Variants in ARMC8 observed in about 807,000 individuals in gnomAD.
The protein encoded by ARMC8 is armadillo repeat-containing protein 8.
In ARMC8, 20 loss-of-function variants were observed where a neutral mutation model predicts 99.3. That is an observed-to-expected ratio of 0.20 (90% confidence interval 0.14 to 0.29). The LOEUF (loss-of-function observed/expected upper bound fraction) is 0.29. Among genes scored for constraint, ARMC8 ranks in the 10% least tolerant of loss-of-function variants. The pLI, the probability that ARMC8 is intolerant of heterozygous loss-of-function variation, is 1.00. For synonymous variants in ARMC8, 263 were observed against 278.3 expected, an observed-to-expected ratio of 0.95 and a Z score of 0.55; for missense variants, 569 against 809.5, an observed-to-expected ratio of 0.70 and a Z score of 3.60.
At chr3:138,288,142 G>A (rs2050596884) in intron 19 of ARMC8, 1 of 154,164 alleles carries the variant, frequency 6.5e-6, no homozygotes, top group African/African-American at 2.4e-5. Context: ...ATTATATAAT[G>A]CTTCTTGTTT....
rs2051610497 is a variant in ARMC8 at position 138,297,720 on chromosome 3, A to G, written c.*1828A>G. 1 of 152,248 alleles carries G rather than the reference A, an allele frequency of 6.6e-6. No homozygotes were observed. Among genetic ancestry groups the G allele is most frequent in the Non-Finnish European group, 1.5e-5 (1 of 68,046 alleles). The allele number at this position is 152,248 out of a possible 1,614,324, so 9.4% of individuals were successfully genotyped here. A position where few individuals can be genotyped will look rare whatever the true frequency, so the allele number is the denominator to read the frequency against. On this transcript the variant is annotated 3_prime_UTR_variant, in exon 22 of 22. Transcript: ENST00000469044. ...CAGGACTTGGTTTTGTGCAGATATCAGAGTGCTAATGTGAGAAACCCAGTT... is the reference window on the plus strand; with the variant it reads ...CAGGACTTGGTTTTGTGCAGATATCGGAGTGCTAATGTGAGAAACCCAGTT...
chr3:138,252,475 A>C (rs2047164659), intron 12 of ARMC8, among the ~76,000 whole-genome samples: 1 of 136,768 alleles, frequency 7.3e-6, no homozygotes, highest in African/African-American at 2.8e-5. Context: ...TTTTTTTGAG[A>C]CGGGGTCTCG....
chr3:138,297,435 G>A lies in ARMC8; in HGVS notation c.*1543G>A, dbSNP rs1337969858. On this transcript the variant is annotated 3_prime_UTR_variant, in exon 22 of 22. Coordinates refer to ENST00000469044, the MANE Select transcript of ARMC8 (RefSeq NM_001363941.2). Reference sequence around the variant, plus strand: ...AGGATGCAAGGTCTGCGGTCCAGAAGCTTGCGGTGAGTGTGTGCCACTGAT... The same window carrying A: ...AGGATGCAAGGTCTGCGGTCCAGAAACTTGCGGTGAGTGTGTGCCACTGAT... The A allele has an allele frequency of 6.6e-6, 1 of 152,216 alleles. No individual in the cohort carries two copies. Among genetic ancestry groups the A allele is most frequent in the African/African-American group, 2.4e-5 (1 of 41,442 alleles). The allele number at this position is 152,216 out of a possible 1,614,324, so 9.4% of individuals were successfully genotyped here. A position where few individuals can be genotyped will look rare whatever the true frequency, so the allele number is the denominator to read the frequency against.
At chr3:138,286,874 T>C (rs977017150) in intron 19 of ARMC8, among the ~76,000 whole-genome samples, 2 of 152,216 alleles carry the variant, frequency 1.3e-5, no homozygotes, top group Non-Finnish European at 2.9e-5. Context: ...CGCCTGCCCT[T>C]TCAGCATCTC....
intron 5 of ARMC8, among the ~76,000 whole-genome samples, chr3:138,226,735 A>G (rs981492058): frequency 2.6e-5 from 4 of 152,254 alleles, no homozygotes; most frequent in East Asian, 1.9e-4. Flanking sequence ...CTGGCCAACT[A>G]TTTAAACTCC....
chr3:138,248,158 T>C lies in ARMC8; in HGVS notation c.1134+2975T>C, dbSNP rs555467058. Reference sequence around the variant, plus strand: ...CAGGTGAGAGTGAAAAATACTACCATTGACTGTGACATGAAGAGGGAGAAG... The same window carrying C: ...CAGGTGAGAGTGAAAAATACTACCACTGACTGTGACATGAAGAGGGAGAAG... On this transcript the variant is annotated intron_variant, in intron 12 of 21. Coordinates refer to ENST00000469044, the MANE Select transcript of ARMC8 (RefSeq NM_001363941.2). Among the ~76,000 whole-genome samples, 5 of 152,236 alleles carry C rather than the reference T, an allele frequency of 3.3e-5. No homozygotes were observed. In the South Asian group the frequency reaches 8.3e-4, roughly 25 times the overall value.
At chr3:138,252,222 T>C (rs2047150438) in intron 12 of ARMC8, among the ~76,000 whole-genome samples, 1 of 152,158 alleles carries the variant, frequency 6.6e-6, no homozygotes, top group African/African-American at 2.4e-5. Context: ...AAGAAGAATA[T>C]TTTCTGACAT....
At position 138,237,535 on chromosome 3, in the gene ARMC8, G is replaced by A. The variant is rs1448168445; in HGVS notation, c.739G>A (p.Asp247Asn). ...GATTTTTGTGAAGATGTTACAGAGG[G>A]ATAAGCCTATTGAGATGCAGCTCAC... ...PQIFVKMLQR[D>N]KPIEMQLTSA... The change falls in exon 9 of 22, where the codon GAT becomes AAT. Residue 247 changes from aspartate to asparagine, a missense_variant. Physicochemically the swap from Asp to Asn is conservative, Grantham distance 23. Transcript: ENST00000469044. 1 of 1,613,692 alleles carries A rather than the reference G, an allele frequency of 6.2e-7. No homozygotes were observed. The highest frequency in any genetic ancestry group is 8.5e-7 in the Non-Finnish European group (1 of 1,179,974).
At chr3:138,273,226 T>C in intron 17 of ARMC8, 110 bp downstream of exon 17, 1 of 1,139,934 alleles carries the variant, frequency 8.8e-7, no homozygotes, top group Non-Finnish European at 1.2e-6. Context: ...GTGATTCAAA[T>C]GCTGCCCCCT....
intron 2 of ARMC8, among the ~76,000 whole-genome samples, chr3:138,213,240 A>T (rs1034426392): frequency 3.9e-5 from 6 of 152,254 alleles, no homozygotes; most frequent in African/African-American, 1.4e-4. Context: ...ACCCATAAAT[A>T]TGGGAACTTT....
At chr3:138,201,427 T>C (rs573506861) in intron 1 of ARMC8, among the ~76,000 whole-genome samples, 6 of 141,420 alleles carry the variant, frequency 4.2e-5, no homozygotes, top group African/African-American at 1.5e-4. Flanking sequence ...CCTTGTCTTC[T>C]TCCCCTCCCT....
At chr3:138,214,025 G>A (rs144056182) in intron 2 of ARMC8, among the ~76,000 whole-genome samples, 1,696 of 152,084 alleles carry the variant, frequency 0.011, 16 homozygotes, top group Non-Finnish European at 0.018. Flanking sequence ...GGTGGTACGT[G>A]CCTGTAGTCC....
At chr3:138,287,163 T>C (rs1225565646) in intron 19 of ARMC8, among the ~76,000 whole-genome samples, 3 of 152,210 alleles carry the variant, frequency 2.0e-5, no homozygotes, top group African/African-American at 7.2e-5. Context: ...TCAGATCTTG[T>C]CCCTCCACTG....
At chr3:138,254,768 T>C (rs1010358417) in intron 12 of ARMC8, among the ~76,000 whole-genome samples, 10 of 152,208 alleles carry the variant, frequency 6.6e-5, no homozygotes, top group African/African-American at 2.4e-4. Flanking sequence ...AAACTCCCAC[T>C]TTTCCACAAA....
At chr3:138,233,604 A>G (rs1411133692) in intron 6 of ARMC8, among the ~76,000 whole-genome samples, 1 of 152,208 alleles carries the variant, frequency 6.6e-6, no homozygotes, top group Non-Finnish European at 1.5e-5. Flanking sequence ...TACATAAAAT[A>G]TTTGGGGATT....
chr3:138,240,960 G>T (rs2046583398), intron 10 of ARMC8, among the ~76,000 whole-genome samples: 2 of 152,186 alleles, frequency 1.3e-5, no homozygotes, highest in Non-Finnish European at 1.5e-5. Flanking sequence ...TGAGGCAGGA[G>T]AATTGCTTGA....
intron 7 of ARMC8, 91 bp downstream of exon 7, chr3:138,235,205 T>A (rs1026122343): frequency 1.1e-6 from 1 of 940,188 alleles, no homozygotes; most frequent in Non-Finnish European, 1.7e-6. Context: ...CTTTGATAAT[T>A]GTGATCAAAA....
intron 18 of ARMC8, among the ~76,000 whole-genome samples, chr3:138,276,076 G>A (rs187212848): frequency 1.3e-5 from 2 of 152,284 alleles, no homozygotes; most frequent in Middle Eastern, 3.4e-3. Context: ...AGACAGAAAG[G>A]TGAGGCAAGA....
At chr3:138,263,558 G>A in intron 12 of ARMC8, 181 bp from the exon 13 acceptor site, 1 of 631,510 alleles carries the variant, frequency 1.6e-6, no homozygotes, top group Non-Finnish European at 2.9e-6. Context: ...GTCCTTAGTG[G>A]GCTAGACCTA....
Sources: allele counts gnomAD v4.1 joint callset (sites outside exome capture counted in the v4.1 genomes callset), GRCh38; gene constraint gnomAD v4.1.1; transcripts MANE v1.5; gene names NCBI Gene and HGNC (gene_info 2026-07-23, HGNC 2026-07-21).